AGMO: variants seen among roughly 807,000 people sequenced by gnomAD.
The protein encoded by AGMO is alkylglycerol monooxygenase, also known as glyceryl-ether monooxygenase.
Under a neutral mutation model 60.2 loss-of-function variants are expected in AGMO, and 75 were observed. The ratio of observed to expected loss-of-function variants is 1.25; its 90% confidence interval spans 1.03 to 1.51. The LOEUF is 1.51. Ranked by LOEUF, AGMO falls within the 40% of genes most tolerant of loss-of-function variation. AGMO has a pLI of 0.00. For synonymous variants in AGMO, 261 were observed against 177.1 expected, an observed-to-expected ratio of 1.47 and a Z score of -3.76; for missense variants, 763 against 525.5, an observed-to-expected ratio of 1.45 and a Z score of -4.42.
the AGMO span, among the ~76,000 whole-genome samples, chr7:15,164,033 C>T: frequency 6.6e-6 from 1 of 151,898 alleles, no homozygotes; most frequent in Admixed American, 6.6e-5. Context: ...CAGCATGGTA[C>T]TTGTATAAAA....
chr7:15,406,252 CGTATATTCCATATAAGTAT>C (rs1784682678), intron 5 of AGMO, among the ~76,000 whole-genome samples: 1 of 141,362 alleles, frequency 7.1e-6, no homozygotes, highest in Non-Finnish European at 1.6e-5. Flanking sequence ...CACACACACA[CGTATATTCCATATAAGTAT>C]ACATGTACAC....
chr7:15,273,579 G>T (rs947993078), intron 12 of AGMO, among the ~76,000 whole-genome samples: 27 of 152,148 alleles, frequency 1.8e-4, no homozygotes, highest in African/African-American at 6.3e-4. Context: ...TTGTTCTTTT[G>T]GCTTAGGATT....
chr7:15,413,322 G>A (rs1780668089), intron 5 of AGMO, among the ~76,000 whole-genome samples: 1 of 152,142 alleles, frequency 6.6e-6, no homozygotes. Flanking sequence ...ATAAATTACA[G>A]AGCATTTCTG....
Position 15,201,043 on chromosome 7 carries a change from A to C in AGMO, c.*242T>G, listed in dbSNP as rs2115463515. On this transcript the variant is annotated 3_prime_UTR_variant, in exon 13 of 13. Transcript: ENST00000342526. Reference sequence around the variant, plus strand: ...GTCATATAAGGCTATCAGTTAATATAACATCATTATATTTGAAATCTTTTT... The same window carrying C: ...GTCATATAAGGCTATCAGTTAATATCACATCATTATATTTGAAATCTTTTT... The C allele has an allele frequency of 3.0e-6, 1 of 331,276 alleles. No individual in the cohort carries two copies. The highest frequency in any genetic ancestry group is 4.7e-5 in the Admixed American group (1 of 21,412). 20.5% of individuals were successfully genotyped at this position (331,276 alleles called of 1,614,324 possible).
At position 15,417,571 on chromosome 7, in the gene AGMO, TTTCAGATGG is replaced by T. The variant is rs1196860649; in HGVS notation, c.609+978_609+986del. On this transcript the variant is annotated intron_variant, in intron 5 of 12. Coordinates refer to ENST00000342526, the MANE Select transcript of AGMO (RefSeq NM_001004320.2). ...GAGTCAGAATTGGCCGCAACATCTC[TTTCAGATGG>T]TTGTGGTATTGAGTGTTTGATGTGT... 2.0e-5 allele frequency among the ~76,000 whole-genome samples: 3 copies of T among 152,206 alleles called. No homozygotes were observed. The East Asian group carries it at 5.8e-4, about 29-fold the overall frequency.
At chr7:15,146,282 C>A in the AGMO span, among the ~76,000 whole-genome samples, 1 of 152,022 alleles carries the variant, frequency 6.6e-6, no homozygotes, top group African/African-American at 2.4e-5. Flanking sequence ...TTAGCTTATT[C>A]AGAAACGGGT....
chr7:15,184,370 A>AAGAAGGGAGGGAG, the AGMO span, among the ~76,000 whole-genome samples: 3 of 4,436 alleles, frequency 6.8e-4, 1 homozygote, highest in Non-Finnish European at 1.5e-3. Context: ...AAGGAAGGGA[A>AAGAAGGGAGGGAG]GGAAGGAAGG....
At chr7:15,421,415 C>T (rs777411861) in intron 4 of AGMO, among the ~76,000 whole-genome samples, 1 of 152,124 alleles carries the variant, frequency 6.6e-6, no homozygotes, top group Non-Finnish European at 1.5e-5. Context: ...AAACAATTCA[C>T]ATCTTTTTAA....
chr7:15,406,336 A>C (rs2128490974), intron 5 of AGMO, among the ~76,000 whole-genome samples: 1 of 145,984 alleles, frequency 6.9e-6, no homozygotes, highest in Admixed American at 6.9e-5. Flanking sequence ...TATGGAATAT[A>C]CATATATATG....
rs150174068 is a variant in AGMO at position 15,278,239 on chromosome 7, A to G, written c.1264-76880T>C. ...AGTAACACTGCTGCTTCATGTACAG[A>G]AGGGGAGTGACTTTACCTTTCAGAA... On this transcript the variant is annotated intron_variant, in intron 12 of 12. Coordinates refer to ENST00000342526, the MANE Select transcript of AGMO (RefSeq NM_001004320.2). Among the ~76,000 whole-genome samples, 911 of 152,136 alleles carry G rather than the reference A, an allele frequency of 6.0e-3. 12 individuals are homozygous for G. The highest frequency in any genetic ancestry group is 0.031 in the South Asian group (148 of 4,816).
intron 12 of AGMO, among the ~76,000 whole-genome samples, chr7:15,301,098 T>C (rs963126637): frequency 6.6e-6 from 1 of 152,306 alleles, no homozygotes; most frequent in African/African-American, 2.4e-5. Context: ...TTTCAGTGAT[T>C]GCATGTGTTT....
chr7:15,162,500 C>T, the AGMO span, among the ~76,000 whole-genome samples: 1 of 151,978 alleles, frequency 6.6e-6, no homozygotes, highest in East Asian at 1.9e-4. Context: ...CGAGAACAGC[C>T]TGGACAACAT....
chr7:15,238,698 C>A (rs1782498880), intron 12 of AGMO, among the ~76,000 whole-genome samples: 1 of 151,420 alleles, frequency 6.6e-6, no homozygotes, highest in Non-Finnish European at 1.5e-5. Flanking sequence ...AATTCTAAGG[C>A]CAATGTTCAG....
chr7:15,162,930 T>G, the AGMO span, among the ~76,000 whole-genome samples: 1 of 152,128 alleles, frequency 6.6e-6, no homozygotes, highest in African/African-American at 2.4e-5. Flanking sequence ...TTTAACTATG[T>G]TGACTCTTGT....
chr7:15,278,894 C>G (rs1007397764), intron 12 of AGMO, among the ~76,000 whole-genome samples: 4 of 152,150 alleles, frequency 2.6e-5, no homozygotes, highest in Non-Finnish European at 4.4e-5. Context: ...GGAACTGACA[C>G]TGAAGCATGG....
intron 3 of AGMO, among the ~76,000 whole-genome samples, chr7:15,542,071 T>C (rs1203261577): frequency 1.3e-5 from 2 of 152,170 alleles, no homozygotes; most frequent in Non-Finnish European, 2.9e-5. Context: ...AGAAATTTGA[T>C]ATTATATGGG....
At chr7:15,469,260 C>T (rs554077327) in intron 3 of AGMO, among the ~76,000 whole-genome samples, 14 of 151,840 alleles carry the variant, frequency 9.2e-5, no homozygotes, top group Non-Finnish European at 2.1e-4. Flanking sequence ...AAGCTAGGAA[C>T]ATGGACCGTC....
chr7:15,363,113 T>C (rs1424241475), intron 12 of AGMO, among the ~76,000 whole-genome samples: 1 of 152,228 alleles, frequency 6.6e-6, no homozygotes, highest in Non-Finnish European at 1.5e-5. Context: ...GCTCAATGCA[T>C]GTTAGCTCTT....
In AGMO at chr7:15,518,643, G is replaced by A. The variant is rs554489050; in HGVS notation, c.409+26129C>T. On this transcript the variant is annotated intron_variant, in intron 3 of 12. Coordinates refer to ENST00000342526, the MANE Select transcript of AGMO (RefSeq NM_001004320.2). ...TAGCATTGACATCAACAAAAAGGGC[G>A]ACCACTCAAAAACCCCATCCAAAGT... Among the ~76,000 whole-genome samples the A allele has an allele frequency of 1.9e-3, 291 of 151,924 alleles. 1 individual carries two copies. The highest frequency in any genetic ancestry group is 6.0e-3 in the African/African-American group (250 of 41,448).
Sources: allele counts gnomAD v4.1 joint callset (sites outside exome capture counted in the v4.1 genomes callset), GRCh38; gene constraint gnomAD v4.1.1; transcripts MANE v1.5; gene names NCBI Gene and HGNC (gene_info 2026-07-23, HGNC 2026-07-21).